The following P2RY8 variants were observed in gnomAD, a reference collection of about 807,000 sequenced individuals.
P2RY8 encodes the protein P2Y receptor family member 8.
In P2RY8, 6 loss-of-function variants were observed where a neutral mutation model predicts 10.0. The observed-to-expected ratio is 0.60, with a 90% CI of 0.33 to 1.19. The LOEUF (loss-of-function observed/expected upper bound fraction) is 1.19. P2RY8 is among the 50% of genes most tolerant of loss of function. The probability of loss-of-function intolerance (pLI) is 0.04; values close to 1 mark genes in which losing one functional copy is unlikely to be tolerated. For missense variants in P2RY8, 456 were observed against 542.0 expected (o/e 0.84, Z 1.58); for synonymous variants, 276 against 252.5 (o/e 1.09, Z -0.88).
intron 1 of P2RY8, among the ~76,000 whole-genome samples, chrX:1,521,869 C>T (rs1345596425): frequency 6.6e-6 from 1 of 151,110 alleles, no homozygotes; most frequent in African/African-American, 2.4e-5. Context: ...GTGTTTATAG[C>T]CCAGAATGAG....
rs180901298 is a variant in P2RY8, at chrX:1,463,966, G to A, written c.*1513C>T. 2 of 233,288 alleles carry A rather than the reference G, an allele frequency of 8.6e-6. No homozygotes were observed. The highest frequency in any genetic ancestry group is 2.2e-5 in the African/African-American group (1 of 45,464). The allele number at this position is 233,288 out of a possible 1,614,324, so 14.5% of individuals were successfully genotyped here. A position where few individuals can be genotyped will look rare whatever the true frequency, so the allele number is the denominator to read the frequency against. On this transcript the variant is annotated 3_prime_UTR_variant, in exon 2 of 2. Transcript: ENST00000381297. ...CCATCCTGATGTTCCAGGTGGACAC[G>A]GGTTTGGGAATGATAATTCATTACT...
chrX:1,464,509 GGTAAA>G lies in P2RY8; in HGVS notation c.*965_*969del. On this transcript the variant is annotated 3_prime_UTR_variant, in exon 2 of 2. Coordinates refer to ENST00000381297, the MANE Select transcript of P2RY8 (RefSeq NM_178129.5). ...TTGCCATGGCTGAGGCTCTCCATGG[GGTAAA>G]AGGACGCGGAGAATGGGCAGGAGGT... The G allele has an allele frequency of 4.3e-6, 1 of 233,470 alleles. No homozygotes were observed. Among genetic ancestry groups the G allele is most frequent in the Non-Finnish European group, 8.5e-6 (1 of 118,276 alleles). The allele number at this position is 233,470 out of a possible 1,614,324, so 14.5% of individuals were successfully genotyped here.
chrX:1,536,685 G>A (rs1246716677), intron 1 of P2RY8, among the ~76,000 whole-genome samples: 1 of 152,140 alleles, frequency 6.6e-6, no homozygotes, highest in African/African-American at 2.4e-5. Context: ...TTAAAGGAAG[G>A]GTGGCTTGCA....
At chrX:1,502,671 G>A (rs1225363834) in intron 1 of P2RY8, among the ~76,000 whole-genome samples, 1 of 152,172 alleles carries the variant, frequency 6.6e-6, no homozygotes, top group African/African-American at 2.4e-5. Flanking sequence ...TGGAAAAGAG[G>A]GTCTTTGCAG....
At chrX:1,509,762 T>TATCTATCTATCTATCTATCTATC (rs2092281933) in intron 1 of P2RY8, among the ~76,000 whole-genome samples, 5 of 123,260 alleles carry the variant, frequency 4.1e-5, no homozygotes, top group Non-Finnish European at 8.6e-5. Flanking sequence ...TCTATCTATC[T>TATCTATCTATCTATCTATCTATC]ATCTATCTAT....
At chrX:1,500,455 T>G (rs2092166623) in intron 1 of P2RY8, among the ~76,000 whole-genome samples, 1 of 151,764 alleles carries the variant, frequency 6.6e-6, no homozygotes, top group Non-Finnish European at 1.5e-5. Context: ...TTTTTTTTTT[T>G]GTTTTTTGAG....
At chrX:1,512,291 A>G (rs2092303639) in intron 1 of P2RY8, among the ~76,000 whole-genome samples, 1 of 152,110 alleles carries the variant, frequency 6.6e-6, no homozygotes, top group Non-Finnish European at 1.5e-5. Context: ...TCAAGCCTGT[A>G]ATCCCAGCGC....
chrX:1,522,962 G>C (rs192292155), intron 1 of P2RY8, among the ~76,000 whole-genome samples: 43 of 151,378 alleles, frequency 2.8e-4, no homozygotes, highest in African/African-American at 9.5e-4. Flanking sequence ...CCAGCTACTC[G>C]GGAGGCTGAG....
chrX:1,528,239 G>C (rs2092451380), intron 1 of P2RY8, among the ~76,000 whole-genome samples: 1 of 152,216 alleles, frequency 6.6e-6, no homozygotes, highest in Non-Finnish European at 1.5e-5. Flanking sequence ...GAGGCCTCCA[G>C]CTTCACTGAG....
At chrX:1,468,620 G>A (rs1478809825) in intron 1 of P2RY8, among the ~76,000 whole-genome samples, 1 of 151,960 alleles carries the variant, frequency 6.6e-6, no homozygotes, top group East Asian at 1.9e-4. Context: ...GTTCTTGGCG[G>A]TGTCTGGCCT....
intron 1 of P2RY8, among the ~76,000 whole-genome samples, chrX:1,514,854 C>CCTT (rs1569538375): frequency 1.6e-4 from 5 of 31,582 alleles, no homozygotes; most frequent in Non-Finnish European, 2.3e-4. Context: ...CCTTTCCCTC[C>CCTT]CCCTCCCCCT....
At chrX:1,479,523 G>C (rs1303875584) in intron 1 of P2RY8, among the ~76,000 whole-genome samples, 1 of 152,190 alleles carries the variant, frequency 6.6e-6, no homozygotes, top group African/African-American at 2.4e-5. Context: ...AATAATTTAA[G>C]TTTCCACCTC....
intron 1 of P2RY8, among the ~76,000 whole-genome samples, chrX:1,501,070 G>A (rs2092174121): frequency 1.3e-5 from 2 of 152,278 alleles, no homozygotes; most frequent in East Asian, 1.9e-4. Context: ...CTTTACCACA[G>A]GGCTGCTATC....
At chrX:1,499,633 G>A (rs1320976815) in intron 1 of P2RY8, among the ~76,000 whole-genome samples, 1 of 151,836 alleles carries the variant, frequency 6.6e-6, no homozygotes, top group African/African-American at 2.4e-5. Flanking sequence ...GTGTCATTAG[G>A]TGAAACGTAT....
chrX:1,474,372 TAA>T (rs1356008261), intron 1 of P2RY8, among the ~76,000 whole-genome samples: 1 of 94,208 alleles, frequency 1.1e-5, no homozygotes, highest in Non-Finnish European at 2.5e-5. Flanking sequence ...GATGGATGGA[TAA>T]GTGGGTGGGT....
chrX:1,480,577 A>C lies in P2RY8; in HGVS notation c.-24-13995T>G, dbSNP rs778752528. On this transcript the variant is annotated intron_variant, in intron 1 of 1. Coordinates refer to ENST00000381297, the MANE Select transcript of P2RY8 (RefSeq NM_178129.5). The stretch of plus-strand genomic sequence containing the variant: ...CTGAGAAACTAACAGAGGAACAGAA[A>C]ACCAAACACTGCATGTTGTCACTCA... Among the ~76,000 whole-genome samples, 11 of 152,228 alleles carry C rather than the reference A, an allele frequency of 7.2e-5. No homozygotes were observed. In the South Asian group the frequency reaches 2.1e-3, roughly 29 times the overall value.
At chrX:1,485,724 T>C (rs1413488484) in intron 1 of P2RY8, among the ~76,000 whole-genome samples, 1 of 148,298 alleles carries the variant, frequency 6.7e-6, no homozygotes, top group African/African-American at 2.4e-5. Context: ...TGTATGTATA[T>C]TTAATAATTA....
intron 1 of P2RY8, among the ~76,000 whole-genome samples, chrX:1,525,654 C>A (rs780395737): frequency 4.0e-5 from 6 of 151,762 alleles, no homozygotes; most frequent in Admixed American, 3.3e-4. Context: ...CATCCATCCA[C>A]CCATGAATTC....
chrX:1,517,827 G>A (rs867386194), intron 1 of P2RY8, among the ~76,000 whole-genome samples: 7 of 152,210 alleles, frequency 4.6e-5, no homozygotes, highest in Admixed American at 6.5e-5. Flanking sequence ...GTAATCTCTC[G>A]GCCACACGCG....
Sources: gnomAD v4.1 joint callset for allele counts (sites outside exome capture counted in the v4.1 genomes callset) on GRCh38, gnomAD v4.1.1 for gene constraint, MANE v1.5 for transcripts, NCBI Gene and HGNC (gene_info 2026-07-23, HGNC 2026-07-21) for gene names.